The following DAPL1 variants were observed in gnomAD, a reference collection of about 807,000 sequenced individuals.
DAPL1 encodes death-associated protein-like 1.
Under a neutral mutation model 12.9 loss-of-function variants are expected in DAPL1, and 17 were observed. The ratio of observed to expected loss-of-function variants is 1.32; its 90% CI spans 0.90 to 1.98. The LOEUF (loss-of-function observed/expected upper bound fraction) is 1.98, where lower values mean the gene tolerates loss of function less well. DAPL1 is among the 30% of genes most tolerant of loss of function. The pLI is 0.00. For synonymous variants in DAPL1, 51 were observed against 42.0 expected (o/e 1.21, Z -0.82); for missense variants, 157 against 125.7 (o/e 1.25, Z -1.19).
At chr2:158,811,032 T>C (rs1483798214) in intron 3 of DAPL1, among the ~76,000 whole-genome samples, 3 of 152,156 alleles carry the variant, frequency 2.0e-5, no homozygotes, top group Non-Finnish European at 2.9e-5. Context: ...GGCAATAAAT[T>C]TGGCAATAGT....
chr2:158,812,872 T>A (rs2059238616), intron 3 of DAPL1, among the ~76,000 whole-genome samples: 1 of 151,840 alleles, frequency 6.6e-6, no homozygotes, highest in African/African-American at 2.4e-5. Flanking sequence ...AATATAATCT[T>A]CCCATATATT....
rs73966747 is a variant in DAPL1 at position 158,803,112 on chromosome 2, C to T, written c.59-1170C>T. 5.6e-3 allele frequency among the ~76,000 whole-genome samples: 846 copies of T among 152,218 alleles called. 7 individuals are homozygous for T. Among genetic ancestry groups the T allele is most frequent in the African/African-American group, 0.019 (807 of 41,546 alleles). On this transcript the variant is annotated intron_variant, in intron 1 of 3. Coordinates refer to ENST00000309950, the MANE Select transcript of DAPL1 (RefSeq NM_001017920.3). ...TAGAGCAATGTGTACCTTAGGCTAC[C>T]ATTTTATAAAAAATAAAACCTGAGT...
intron 3 of DAPL1, among the ~76,000 whole-genome samples, chr2:158,808,242 A>C (rs975015877): frequency 2.0e-5 from 3 of 152,204 alleles, no homozygotes; most frequent in Non-Finnish European, 4.4e-5. Context: ...GCCTTTGAAA[A>C]AGATTAGTGC....
At chr2:158,796,766 C>T (rs2059136733) in intron 1 of DAPL1, among the ~76,000 whole-genome samples, 1 of 152,192 alleles carries the variant, frequency 6.6e-6, no homozygotes, top group Non-Finnish European at 1.5e-5. Context: ...AATGAAACCA[C>T]CGGGAACTTT....
intron 3 of DAPL1, among the ~76,000 whole-genome samples, chr2:158,808,383 G>A (rs1272543441): frequency 6.6e-6 from 1 of 152,196 alleles, no homozygotes; most frequent in African/African-American, 2.4e-5. Context: ...AGCTTATAGG[G>A]TTGTTACGTG....
chr2:158,815,863 TA>T lies in DAPL1; in HGVS notation c.*43del. On this transcript the variant is annotated 3_prime_UTR_variant, in exon 4 of 4. Coordinates refer to ENST00000309950, the MANE Select transcript of DAPL1 (RefSeq NM_001017920.3). ...CAGCCGTCTGGCCAGCTGCCTCGAATATCTGACAGCTTAGCAAAAAGGGCCA... is the reference window on the plus strand; with the variant it reads ...CAGCCGTCTGGCCAGCTGCCTCGAATTCTGACAGCTTAGCAAAAAGGGCCA... 4.2e-6 allele frequency: 6 copies of T among 1,423,768 alleles called. No individual in the cohort carries two copies. Among genetic ancestry groups the T allele is most frequent in the Non-Finnish European group, 6.0e-6 (6 of 1,006,148 alleles). The allele number at this position is 1,423,768 out of a possible 1,614,324, so 88.2% of individuals were successfully genotyped here. A position where few individuals can be genotyped will look rare whatever the true frequency, so the allele number is the denominator to read the frequency against.
chr2:158,803,106 G>T (rs1049020350), intron 1 of DAPL1, among the ~76,000 whole-genome samples: 2 of 152,176 alleles, frequency 1.3e-5, no homozygotes, highest in African/African-American at 4.8e-5. Flanking sequence ...GTGTACCTTA[G>T]GCTACCATTT....
chr2:158,803,659 CT>C (rs2105150903), intron 1 of DAPL1, among the ~76,000 whole-genome samples: 1 of 152,338 alleles, frequency 6.6e-6, no homozygotes, highest in Admixed American at 6.5e-5. Flanking sequence ...TAATTGATCA[CT>C]TGAATGGCAG....
intron 1 of DAPL1, among the ~76,000 whole-genome samples, chr2:158,800,753 T>C (rs1211426997): frequency 6.6e-6 from 1 of 152,232 alleles, no homozygotes; most frequent in Non-Finnish European, 1.5e-5. Flanking sequence ...GTAGCATGCC[T>C]GCCTTCACTC....
intron 3 of DAPL1, among the ~76,000 whole-genome samples, chr2:158,814,004 GT>G (rs1285688349): frequency 3.9e-5 from 6 of 152,102 alleles, no homozygotes; most frequent in African/African-American, 9.7e-5. Context: ...TTATATCAGA[GT>G]TTTTTTGTTT....
intron 3 of DAPL1, among the ~76,000 whole-genome samples, chr2:158,810,937 G>A (rs551709176): frequency 3.3e-5 from 5 of 152,160 alleles, no homozygotes; most frequent in Admixed American, 6.5e-5. Context: ...ATTTGTGCTC[G>A]TTCATTTACT....
intron 1 of DAPL1, among the ~76,000 whole-genome samples, chr2:158,803,981 A>G (rs2059183844): frequency 6.6e-6 from 1 of 152,206 alleles, no homozygotes; most frequent in Non-Finnish European, 1.5e-5. Flanking sequence ...AATGTTTTTC[A>G]GTGAAATGCC....
intron 3 of DAPL1, among the ~76,000 whole-genome samples, chr2:158,810,393 C>G (rs1423459642): frequency 6.6e-6 from 1 of 152,108 alleles, no homozygotes; most frequent in African/African-American, 2.4e-5. Flanking sequence ...ACACTCATGT[C>G]TAGTCCCAAG....
intron 3 of DAPL1, among the ~76,000 whole-genome samples, chr2:158,811,064 A>G (rs1575230086): frequency 6.6e-6 from 1 of 152,174 alleles, no homozygotes; most frequent in Non-Finnish European, 1.5e-5. Flanking sequence ...TCAGAACATA[A>G]AAGTATCCAG....
At chr2:158,809,417 T>G (rs1243448804) in intron 3 of DAPL1, among the ~76,000 whole-genome samples, 1 of 151,456 alleles carries the variant, frequency 6.6e-6, no homozygotes, top group East Asian at 1.9e-4. Flanking sequence ...TATACCTTTG[T>G]GCTCAGCTCA....
intron 3 of DAPL1, among the ~76,000 whole-genome samples, chr2:158,809,101 C>G (rs1247960135): frequency 1.3e-5 from 2 of 152,082 alleles, no homozygotes; most frequent in African/African-American, 4.8e-5. Flanking sequence ...TGGCTCACGC[C>G]TGTAATCCCA....
chr2:158,796,392 C>T (rs920630751), intron 1 of DAPL1, among the ~76,000 whole-genome samples: 3 of 152,106 alleles, frequency 2.0e-5, no homozygotes, highest in South Asian at 2.1e-4. Flanking sequence ...GGTGGCTTTC[C>T]GGCGGGTAGC....
At chr2:158,812,322 A>G (rs2059235291) in intron 3 of DAPL1, among the ~76,000 whole-genome samples, 1 of 152,192 alleles carries the variant, frequency 6.6e-6, no homozygotes, top group Admixed American at 6.5e-5. Flanking sequence ...TTGTTTCCCA[A>G]ATATTCTGAT....
intron 1 of DAPL1, among the ~76,000 whole-genome samples, chr2:158,799,893 G>A (rs1378036192): frequency 6.6e-6 from 1 of 151,902 alleles, no homozygotes; most frequent in Non-Finnish European, 1.5e-5. Context: ...TCCTAAGGAT[G>A]AGGAATTCCC....
Sources: allele counts gnomAD v4.1 joint callset (sites outside exome capture counted in the v4.1 genomes callset), GRCh38; gene constraint gnomAD v4.1.1; transcripts MANE v1.5; gene names NCBI Gene and HGNC (gene_info 2026-07-23, HGNC 2026-07-21).